The following ASAH2 variants were observed in gnomAD, a reference collection of about 807,000 sequenced individuals.
ASAH2 encodes N-acylsphingosine amidohydrolase 2.
In ASAH2, 58 loss-of-function variants were observed where a neutral mutation model predicts 82.9. The observed-to-expected ratio is 0.70, with a 90% CI of 0.57 to 0.87. ASAH2 has a LOEUF of 0.87. Ranked by LOEUF, ASAH2 falls within the 40% of genes least tolerant of loss-of-function variation. ASAH2 has a pLI of 0.00. For synonymous variants in ASAH2, 276 were observed against 289.7 expected, an observed-to-expected ratio of 0.95 and a Z score of 0.48; for missense variants, 779 against 834.0, an observed-to-expected ratio of 0.93 and a Z score of 0.81.
intron 3 of ASAH2, among the ~76,000 whole-genome samples, chr10:50,244,105 G>A (rs1846379384): frequency 6.6e-6 from 1 of 152,224 alleles, no homozygotes; most frequent in African/African-American, 2.4e-5. Flanking sequence ...GCAGGAGCTG[G>A]AGGGAAATTT....
chr10:50,228,342 G>A (rs1356527424), intron 7 of ASAH2, among the ~76,000 whole-genome samples: 1 of 152,030 alleles, frequency 6.6e-6, no homozygotes, highest in Non-Finnish European at 1.5e-5. Context: ...AATTTGAGTG[G>A]GGTTAAGTGG....
intron 7 of ASAH2, among the ~76,000 whole-genome samples, chr10:50,231,752 T>C (rs1846027254): frequency 6.6e-6 from 1 of 152,206 alleles, no homozygotes; most frequent in African/African-American, 2.4e-5. Context: ...GAGTTTTTAG[T>C]GACTTCACTT....
At chr10:50,208,279 A>G (rs1845357835) in intron 12 of ASAH2, among the ~76,000 whole-genome samples, 1 of 152,020 alleles carries the variant, frequency 6.6e-6, no homozygotes. Flanking sequence ...CTTTTATTCA[A>G]CATTGTTCTG....
chr10:50,247,838 T>A (rs879107938), intron 2 of ASAH2, among the ~76,000 whole-genome samples: 2 of 152,058 alleles, frequency 1.3e-5, no homozygotes, highest in African/African-American at 4.8e-5. Flanking sequence ...TTTCCAACAT[T>A]TTAAAAAATC....
At position 50,229,810 on chromosome 10, in the gene ASAH2, G is replaced by A. The variant is rs906318969; in HGVS notation, c.893+3374C>T. Among the ~76,000 whole-genome samples the A allele has an allele frequency of 1.3e-4, 20 of 152,056 alleles. No individual in the cohort carries two copies. The East Asian group carries it at 2.7e-3, about 21-fold the overall frequency. ...AGCTCCCATTGCTGTCACTTCCTCA[G>A]GGAAACCTTTCCCAATCTCTCTGAC... On this transcript the variant is annotated intron_variant, in intron 7 of 20. Coordinates refer to ENST00000682911, the MANE Select transcript of ASAH2 (RefSeq NM_019893.4).
chr10:50,202,970 C>T (rs950682342), intron 15 of ASAH2, 46 bp from the exon 16 acceptor site: 9 of 1,189,614 alleles, frequency 7.6e-6, no homozygotes, highest in East Asian at 2.3e-5. Context: ...TTCATCTTTA[C>T]GTATATTTTC....
At chr10:50,202,708 C>A (rs1364694573) in intron 16 of ASAH2, 121 bp downstream of exon 16, 1 of 769,262 alleles carries the variant, frequency 1.3e-6, no homozygotes, top group Non-Finnish European at 2.3e-6. Context: ...ACCTGTTATA[C>A]CTGAAACATA....
At chr10:50,208,926 G>A (rs1444564117) in intron 12 of ASAH2, among the ~76,000 whole-genome samples, 5 of 152,096 alleles carry the variant, frequency 3.3e-5, no homozygotes, top group African/African-American at 1.2e-4. Flanking sequence ...CCAAGAGACG[G>A]TTATACTGGC....
chr10:50,204,111 C>G (rs955661473), intron 14 of ASAH2, among the ~76,000 whole-genome samples: 2 of 151,860 alleles, frequency 1.3e-5, no homozygotes, highest in African/African-American at 2.4e-5. Flanking sequence ...TGATGAAGAA[C>G]AGATCATGTA....
chr10:50,212,959 G>A lies in ASAH2; in HGVS notation c.1227+13C>T, dbSNP rs1845497227. 25 of 1,609,432 alleles carry A rather than the reference G, an allele frequency of 1.6e-5. No homozygotes were observed. Among genetic ancestry groups the A allele is most frequent in the Non-Finnish European group, 2.0e-5 (24 of 1,175,982 alleles). On this transcript the variant is annotated intron_variant, in intron 10 of 20. Transcript: ENST00000682911. The stretch of plus-strand genomic sequence containing the variant: ...TTTAAACAAAGATTAAAGGAGCGAG[G>A]CCCATGGCTTACCTTTGCTCTCTGA...
intron 7 of ASAH2, among the ~76,000 whole-genome samples, chr10:50,230,531 A>C (rs1464119901): frequency 6.6e-6 from 1 of 152,194 alleles, no homozygotes; most frequent in Non-Finnish European, 1.5e-5. Flanking sequence ...AACAAGAGGC[A>C]ATTGCAGGAG....
chr10:50,244,021 A>G (rs1181620010), intron 3 of ASAH2, among the ~76,000 whole-genome samples: 2 of 152,198 alleles, frequency 1.3e-5, no homozygotes, highest in African/African-American at 4.8e-5. Flanking sequence ...AGGCAGATTT[A>G]TTAGGCAAAG....
At chr10:50,250,829 C>T (rs1264697882) in intron 1 of ASAH2, among the ~76,000 whole-genome samples, 2 of 152,166 alleles carry the variant, frequency 1.3e-5, no homozygotes, top group African/African-American at 2.4e-5. Flanking sequence ...TCAACAATGG[C>T]ACTTGATTTA....
intron 7 of ASAH2, among the ~76,000 whole-genome samples, chr10:50,224,769 A>C (rs961691600): frequency 6.6e-6 from 1 of 152,116 alleles, no homozygotes; most frequent in Non-Finnish European, 1.5e-5. Flanking sequence ...ACTCCCTCAA[A>C]ATCATCCTCA....
intron 9 of ASAH2, 108 bp downstream of exon 9, chr10:50,214,635 G>A: frequency 7.3e-7 from 1 of 1,362,250 alleles, no homozygotes; most frequent in East Asian, 2.4e-5. Flanking sequence ...GGAGAACTAG[G>A]CCAGTGTATA....
At chr10:50,251,078 C>T (rs970489641) in intron 1 of ASAH2, among the ~76,000 whole-genome samples, 3 of 152,178 alleles carry the variant, frequency 2.0e-5, no homozygotes, top group Non-Finnish European at 4.4e-5. Flanking sequence ...TAGAATGAAA[C>T]ACTCCTTGGT....
At chr10:50,200,730 GT>G (rs1263525651) in intron 16 of ASAH2, among the ~76,000 whole-genome samples, 2 of 152,050 alleles carry the variant, frequency 1.3e-5, no homozygotes, top group Non-Finnish European at 2.9e-5. Flanking sequence ...GGCTAGCACA[GT>G]ATCTGTCACA....
At chr10:50,221,690 A>AGATG (rs1159982573) in intron 7 of ASAH2, among the ~76,000 whole-genome samples, 1 of 104,848 alleles carries the variant, frequency 9.5e-6, no homozygotes, top group Admixed American at 1.1e-4. Flanking sequence ...ATAGATAGAT[A>AGATG]GATGGATGGA....
chr10:50,220,717 C>T (rs1466184767), intron 7 of ASAH2, among the ~76,000 whole-genome samples: 1 of 151,620 alleles, frequency 6.6e-6, no homozygotes, highest in Non-Finnish European at 1.5e-5. Context: ...AATGAAGCCC[C>T]ATGACACACA....
Sources: allele counts gnomAD v4.1 joint callset (sites outside exome capture counted in the v4.1 genomes callset), GRCh38; gene constraint gnomAD v4.1.1; transcripts MANE v1.5; gene names NCBI Gene and HGNC (gene_info 2026-07-23, HGNC 2026-07-21).